TRIP12: variants seen among roughly 807,000 people sequenced by gnomAD.
The protein encoded by TRIP12 is thyroid hormone receptor interactor 12, also known as E3 ubiquitin-protein ligase TRIP12.
A neutral mutation model predicts 244.2 loss-of-function variants in TRIP12; 25 were observed. That is an observed-to-expected ratio of 0.10 (90% CI 0.07 to 0.14). The LOEUF is 0.14. Ranked by LOEUF, TRIP12 falls within the 10% of genes least tolerant of loss-of-function variation. The pLI is 1.00. For synonymous variants in TRIP12, 905 were observed against 873.1 expected (o/e 1.04, Z -0.64); for missense variants, 1,677 against 2,486.4 (o/e 0.67, Z 6.92).
chr2:229,795,462 T>C, intron 25 of TRIP12, 132 bp from the exon 26 acceptor site: 3 of 1,131,488 alleles, frequency 2.7e-6, no homozygotes, highest in South Asian at 3.4e-5. Context: ...TTATGGCAGA[T>C]TTGGTTTGAA....
chr2:229,774,015 T>C (rs2035431416), intron 38 of TRIP12, 82 bp downstream of exon 38: 2 of 1,456,788 alleles, frequency 1.4e-6, no homozygotes, highest in Admixed American at 3.8e-5. Context: ...AGCCATAGCG[T>C]GTGCAGCCAG....
intron 4 of TRIP12, among the ~76,000 whole-genome samples, chr2:229,843,868 C>G (rs2154315720): frequency 6.6e-6 from 1 of 150,612 alleles, no homozygotes; most frequent in African/African-American, 2.4e-5. Context: ...GATGACAGAG[C>G]AAGACCTTGC....
intron 2 of TRIP12, among the ~76,000 whole-genome samples, chr2:229,878,116 T>C (rs2063982015): frequency 1.3e-5 from 2 of 152,092 alleles, no homozygotes; most frequent in South Asian, 4.1e-4. Flanking sequence ...TTCCTGAAAC[T>C]CTTAACAAAA....
intron 2 of TRIP12, 72 bp from the exon 3 acceptor site, chr2:229,860,603 T>G (rs1455404580): frequency 1.5e-6 from 2 of 1,329,134 alleles, no homozygotes; most frequent in Non-Finnish European, 2.0e-6. Context: ...AAATGAAATA[T>G]TTTTATATAT....
At chr2:229,902,991 C>A (rs963235944) in intron 1 of TRIP12, among the ~76,000 whole-genome samples, 3 of 123,190 alleles carry the variant, frequency 2.4e-5, no homozygotes, top group Non-Finnish European at 3.3e-5. Context: ...TTACTGTGTG[C>A]GGGTTTTTTT....
chr2:229,915,351 T>C (rs919259202), intron 1 of TRIP12, among the ~76,000 whole-genome samples: 1 of 152,214 alleles, frequency 6.6e-6, no homozygotes, highest in Non-Finnish European at 1.5e-5. Context: ...CCTAATTCTT[T>C]TTAAAATGTA....
chr2:229,884,973 A>G (rs1224572406), intron 1 of TRIP12, among the ~76,000 whole-genome samples: 1 of 152,220 alleles, frequency 6.6e-6, no homozygotes, highest in Non-Finnish European at 1.5e-5. Context: ...GTCTCAAAAA[A>G]ACAAACAAAC....
chr2:229,871,747 A>G (rs1334157296), intron 2 of TRIP12, among the ~76,000 whole-genome samples: 1 of 152,214 alleles, frequency 6.6e-6, no homozygotes, highest in African/African-American at 2.4e-5. Context: ...TAGAAAATAC[A>G]AAAACAAAAT....
chr2:229,809,797 T>C (rs1012116094), intron 15 of TRIP12, among the ~76,000 whole-genome samples: 2 of 152,198 alleles, frequency 1.3e-5, no homozygotes, highest in Non-Finnish European at 2.9e-5. Context: ...TCAACATTAT[T>C]TTTCTACAAA....
chr2:229,826,489 CTG>C (rs1296939948), intron 8 of TRIP12, among the ~76,000 whole-genome samples: 18 of 151,932 alleles, frequency 1.2e-4, no homozygotes, highest in African/African-American at 3.4e-4. Context: ...GATAAAGTGA[CTG>C]TGTGTTTTGA....
chr2:229,794,886 AG>A (rs1185575317), intron 26 of TRIP12: 23 of 198,970 alleles, frequency 1.2e-4, no homozygotes, highest in Non-Finnish European at 3.0e-5. Flanking sequence ...AAAGTTCTTA[AG>A]GAAGTTTTGT....
intron 34 of TRIP12, among the ~76,000 whole-genome samples, chr2:229,779,421 T>A (rs915319983): frequency 5.3e-5 from 8 of 152,222 alleles, no homozygotes; most frequent in Admixed American, 5.2e-4. Context: ...TCCTTTTTTC[T>A]TGGGGCTTAT....
intron 9 of TRIP12, among the ~76,000 whole-genome samples, chr2:229,817,874 C>T (rs960553484): frequency 1.3e-5 from 2 of 152,104 alleles, no homozygotes; most frequent in African/African-American, 2.4e-5. Context: ...GGATTACAGG[C>T]GTCAGACATT....
rs1007681927 is a variant in TRIP12, at chr2:229,779,128, G to A, written c.5095-138C>T. ...GATTATTTTCCAAAATGTCCTGGCT[G>A]GATTTATTCTTTCAGTCCTGGTCAC... On this transcript the variant is annotated intron_variant, in intron 34 of 41. Transcript: ENST00000675903. The A allele has an allele frequency of 1.2e-5, 8 of 691,866 alleles. No individual in the cohort carries two copies. In the Admixed American group the frequency reaches 1.4e-4, roughly 12 times the overall value. 42.9% of individuals were successfully genotyped at this position (691,866 alleles called of 1,614,324 possible). A position where few individuals can be genotyped will look rare whatever the true frequency, so the allele number is the denominator to read the frequency against.
chr2:229,900,083 T>A (rs1002012680), intron 1 of TRIP12, among the ~76,000 whole-genome samples: 2 of 152,210 alleles, frequency 1.3e-5, no homozygotes, highest in Non-Finnish European at 2.9e-5. Context: ...AACTTCAAAG[T>A]TTTTAAGGAG....
chr2:229,788,537 C>A (rs965750923), intron 32 of TRIP12, among the ~76,000 whole-genome samples: 1 of 152,222 alleles, frequency 6.6e-6, no homozygotes, highest in Non-Finnish European at 1.5e-5. Context: ...TCCATGACAG[C>A]AGATAATTTT....
chr2:229,920,804 G>A (rs1412499747), intron 1 of TRIP12, among the ~76,000 whole-genome samples: 1 of 152,118 alleles, frequency 6.6e-6, no homozygotes, highest in African/African-American at 2.4e-5. Context: ...GAGAGACGCC[G>A]AGGAAGACAG....
chr2:229,888,807 A>G (rs1171026374), intron 1 of TRIP12, among the ~76,000 whole-genome samples: 1 of 152,164 alleles, frequency 6.6e-6, no homozygotes, highest in African/African-American at 2.4e-5. Flanking sequence ...TGCCTCCAAA[A>G]AAAAAACAAA....
intron 18 of TRIP12, 108 bp from the exon 19 acceptor site, chr2:229,804,335 A>T (rs1034290290): frequency 3.2e-6 from 3 of 945,008 alleles, no homozygotes; most frequent in Non-Finnish European, 4.7e-6. Flanking sequence ...AATGCTATGA[A>T]AACTTTTTCA....
Sources: gnomAD v4.1 joint callset for allele counts (sites outside exome capture counted in the v4.1 genomes callset) on GRCh38, gnomAD v4.1.1 for gene constraint, MANE v1.5 for transcripts, NCBI Gene and HGNC (gene_info 2026-07-23, HGNC 2026-07-21) for gene names.